The following EHD2 variants were observed in gnomAD, a reference collection of about 807,000 sequenced individuals.
EHD2 encodes EH domain containing 2, also known as EH domain-containing protein 2.
A neutral mutation model predicts 41.0 loss-of-function variants in EHD2; 27 were observed. That is an observed-to-expected ratio of 0.66 (90% CI 0.49 to 0.91). EHD2 has a LOEUF of 0.91. Ranked by LOEUF, EHD2 falls within the 40% of genes least tolerant of loss-of-function variation. The probability of loss-of-function intolerance (pLI) is 0.00; values close to 1 mark genes in which losing one functional copy is unlikely to be tolerated. For synonymous variants in EHD2, 342 were observed against 341.0 expected, an observed-to-expected ratio of 1.00 and a Z score of -0.03; for missense variants, 673 against 773.9, an observed-to-expected ratio of 0.87 and a Z score of 1.55.
At chr19:47,722,575 T>C (rs1382057905) in intron 3 of EHD2, among the ~76,000 whole-genome samples, 1 of 151,556 alleles carries the variant, frequency 6.6e-6, no homozygotes, top group Non-Finnish European at 1.5e-5. Context: ...CTCTCTTTTT[T>C]TTTTTTTGAG....
chr19:47,736,431 C>A lies in EHD2; in HGVS notation c.978C>A (p.Asn326Lys). Residue 326 changes from asparagine to lysine, a missense_variant, in exon 5 of 6, where the codon AAC becomes AAA. Asn to Lys is a moderately conservative substitution (Grantham distance 94). Transcript: ENST00000263277. Reference protein sequence around the residue: ...KEMPSVFGKENKKKQLILKLP... With the variant: ...KEMPSVFGKEKKKKQLILKLP... ...TGCCCTCTGTGTTTGGGAAGGAGAA[C>A]AAGAAGAAGCAGCTGATCCTCAAAC... is the stretch of plus-strand genomic sequence containing the variant. The A allele has an allele frequency of 6.2e-7, 1 of 1,613,264 alleles. No homozygotes were observed. Among genetic ancestry groups the A allele is most frequent in the East Asian group, 2.2e-5 (1 of 44,798 alleles).
chr19:47,724,417 A>C (rs1973728495), intron 3 of EHD2, among the ~76,000 whole-genome samples: 1 of 152,174 alleles, frequency 6.6e-6, no homozygotes, highest in South Asian at 2.1e-4. Context: ...CAGAGAGGTT[A>C]AGCTACTTGC....
Position 47,741,953 on chromosome 19 carries a change from G to A in EHD2, c.*521G>A, listed in dbSNP as rs771951064. On this transcript the variant is annotated 3_prime_UTR_variant, in exon 6 of 6. Transcript: ENST00000263277. This position sits in a 1 kb window ranked among gnomAD's most constrained non-coding sequence, Gnocchi z 4.5. The stretch of plus-strand genomic sequence containing the variant: ...AGATAAACAGACCCCCTTCTGCTCC[G>A]CTTCCTCCTGCCCAGCCAGGCAACA... 12 of 455,758 alleles carry A rather than the reference G, an allele frequency of 2.6e-5. No individual in the cohort carries two copies. The highest frequency in any genetic ancestry group is 7.0e-5 in the East Asian group (1 of 14,354). The allele number at this position is 455,758 out of a possible 1,614,324, so 28.2% of individuals were successfully genotyped here.
chr19:47,731,009 G>A (rs1267729736), intron 4 of EHD2, among the ~76,000 whole-genome samples: 2 of 151,674 alleles, frequency 1.3e-5, no homozygotes, highest in Non-Finnish European at 2.9e-5. Context: ...AGGGGCTGGC[G>A]AGGGACTATT....
chr19:47,732,644 C>A (rs10423996), intron 4 of EHD2, among the ~76,000 whole-genome samples: 11,146 of 152,136 alleles, frequency 0.073, 1,386 homozygotes, highest in African/African-American at 0.25. Context: ...TGGTCTCGAA[C>A]TTCTGGCCTC....
At chr19:47,721,513 G>A (rs1000872334) in intron 3 of EHD2, among the ~76,000 whole-genome samples, 4 of 151,506 alleles carry the variant, frequency 2.6e-5, no homozygotes, top group South Asian at 2.1e-4. Flanking sequence ...ACGGGGTTTC[G>A]CCGTCTTAGC....
chr19:47,736,038 A>G (rs990930996), intron 4 of EHD2, among the ~76,000 whole-genome samples: 7 of 152,186 alleles, frequency 4.6e-5, no homozygotes, highest in Non-Finnish European at 8.8e-5. Context: ...TTTACTAAAA[A>G]TACAAAAATT....
At chr19:47,739,099 C>T (rs1966956677) in intron 5 of EHD2, among the ~76,000 whole-genome samples, 1 of 151,806 alleles carries the variant, frequency 6.6e-6, no homozygotes, top group Non-Finnish European at 1.5e-5. Context: ...CTCTCCCCCC[C>T]TGCACACTTT....
In EHD2 at chr19:47,716,552, C is replaced by T; in HGVS notation, c.-55-6C>T. ...CCTATGCTCATGCCCTCTCCCCCTC[C>T]CACAGGCAGCTCTCCATCTGCACGT... On this transcript the variant is annotated splice_polypyrimidine_tract_variant and splice_region_variant and intron_variant, in intron 1 of 5. Transcript: ENST00000263277. 2.8e-6 allele frequency: 4 copies of T among 1,443,026 alleles called. No individual in the cohort carries two copies. Among genetic ancestry groups the T allele is most frequent in the Non-Finnish European group, 3.6e-6 (4 of 1,100,054 alleles). The allele number at this position is 1,443,026 out of a possible 1,614,324, so 89.4% of individuals were successfully genotyped here.
intron 3 of EHD2, among the ~76,000 whole-genome samples, chr19:47,723,383 C>T (rs113974662): frequency 0.049 from 7,454 of 152,098 alleles, 612 homozygotes; most frequent in African/African-American, 0.17. Flanking sequence ...CCATTATGGC[C>T]GGGCTCAGTG....
chr19:47,728,850 G>A (rs532298596), intron 4 of EHD2, among the ~76,000 whole-genome samples: 35 of 152,344 alleles, frequency 2.3e-4, no homozygotes, highest in African/African-American at 5.8e-4. Context: ...GATTACAGGC[G>A]TAAGCCACCA....
intron 4 of EHD2, among the ~76,000 whole-genome samples, chr19:47,731,785 A>AT (rs35766063): frequency 0.51 from 57,420 of 112,786 alleles, 17,559 homozygotes; most frequent in South Asian, 0.73. Flanking sequence ...GATATACTGC[A>AT]TTTTTTTTTT....
In EHD2 at chr19:47,726,126, C is replaced by G. The variant is rs867611192; in HGVS notation, c.817C>G (p.Leu273Val). The G allele has an allele frequency of 4.4e-6, 7 of 1,578,296 alleles. No homozygotes were observed. Among genetic ancestry groups the G allele is most frequent in the Admixed American group, 3.7e-5 (2 of 53,472 alleles). ...LVPDNRRLFE[L>V]EEQDLFRDIQ... is the part of the protein sequence containing the mutation. ...GCCCGACAACCGGCGCCTCTTCGAG[C>G]TGGAGGAGCAGGACCTCTTCCGCGA... The change falls in exon 4 of 6, where the codon CTG becomes GTG. Residue 273 changes from leucine to valine, a missense_variant. Transcript: ENST00000263277.
intron 3 of EHD2, 29 bp from the exon 4 acceptor site, chr19:47,725,783 G>C (rs556634967): frequency 1.9e-6 from 3 of 1,552,406 alleles, no homozygotes; most frequent in African/African-American, 2.7e-5. Flanking sequence ...TCTGCCCCTT[G>C]CGCCCCTGTC....
chr19:47,729,366 A>G (rs1973785148), intron 4 of EHD2, among the ~76,000 whole-genome samples: 1 of 152,198 alleles, frequency 6.6e-6, no homozygotes, highest in Non-Finnish European at 1.5e-5. Flanking sequence ...CTGGGGAGCC[A>G]TGAAAAAGTT....
At chr19:47,728,363 A>C (rs1599895566) in intron 4 of EHD2, among the ~76,000 whole-genome samples, 2 of 150,380 alleles carry the variant, frequency 1.3e-5, no homozygotes, top group African/African-American at 4.9e-5. Context: ...CTCCCTCCTC[A>C]CCCCTTTCAA....
chr19:47,720,584 TGA>T (rs1491045120), intron 3 of EHD2, among the ~76,000 whole-genome samples: 1 of 152,094 alleles, frequency 6.6e-6, no homozygotes, highest in Non-Finnish European at 1.5e-5. Flanking sequence ...CGTGTGTGTG[TGA>T]GAGAGACAGA....
rs944879628 is a variant in EHD2 at position 47,742,161 on chromosome 19, CTTCT to C, written c.*732_*735del. 9 of 338,390 alleles carry C rather than the reference CTTCT, an allele frequency of 2.7e-5. No homozygotes were observed. Among genetic ancestry groups the C allele is most frequent in the East Asian group, 8.7e-5 (1 of 11,532 alleles). The allele number at this position is 338,390 out of a possible 1,614,324, so 21.0% of individuals were successfully genotyped here. Reference sequence around the variant, plus strand: ...CTTCCTTCTTTTCTTTCCTTCCTTCCTTCTTTTTTGTTTTTGCCCCCAATTCTGC... The same window carrying C: ...CTTCCTTCTTTTCTTTCCTTCCTTCCTTTTTGTTTTTGCCCCCAATTCTGC... On this transcript the variant is annotated 3_prime_UTR_variant, in exon 6 of 6. Transcript: ENST00000263277.
In EHD2 at chr19:47,741,855, A is replaced by C. The variant is rs1036542567; in HGVS notation, c.*423A>C. 1 of 463,774 alleles carries C rather than the reference A, an allele frequency of 2.2e-6. No individual in the cohort carries two copies. Among genetic ancestry groups the C allele is most frequent in the Non-Finnish European group, 4.3e-6 (1 of 232,274 alleles). The allele number at this position is 463,774 out of a possible 1,614,324, so 28.7% of individuals were successfully genotyped here. ...GAGAGGGCACCTACACAGTCACGCA[A>C]ACACACACTAATTCCTGGCAGGGCC... is the stretch of plus-strand genomic sequence containing the variant. On this transcript the variant is annotated 3_prime_UTR_variant, in exon 6 of 6. Coordinates refer to ENST00000263277, the MANE Select transcript of EHD2 (RefSeq NM_014601.4). This position sits in a 1 kb window ranked among gnomAD's most constrained non-coding sequence, Gnocchi z 4.5.
Sources: allele counts gnomAD v4.1 joint callset (sites outside exome capture counted in the v4.1 genomes callset), GRCh38; gene constraint gnomAD v4.1.1; non-coding constraint Gnocchi (gnomAD v3.1); transcripts MANE v1.5; gene names NCBI Gene and HGNC (gene_info 2026-07-23, HGNC 2026-07-21).